The following GABRA6 variants were observed in gnomAD, a reference collection of about 807,000 sequenced individuals.
GABRA6 encodes the protein gamma-aminobutyric acid receptor subunit alpha-6.
GABRA6 carries 45 observed loss-of-function variants against 47.3 expected under a neutral mutation model. The observed-to-expected ratio is 0.95, with a 90% confidence interval of 0.75 to 1.22. The LOEUF is 1.22. GABRA6 is among the 50% of genes most tolerant of loss of function. The pLI, the probability that GABRA6 is intolerant of heterozygous loss-of-function variation, is 0.00. For missense variants in GABRA6, 583 were observed against 549.3 expected, an observed-to-expected ratio of 1.06 and a Z score of -0.61; for synonymous variants, 219 against 194.7, an observed-to-expected ratio of 1.12 and a Z score of -1.04.
chr5:161,702,448 T>C lies in GABRA6; in HGVS notation c.*675T>C, dbSNP rs989713659. 3.3e-5 allele frequency: 5 copies of C among 152,284 alleles called. No individual in the cohort carries two copies. The highest frequency in any genetic ancestry group is 7.3e-5 in the Non-Finnish European group (5 of 68,084). The allele number at this position is 152,284 out of a possible 1,614,324, so 9.4% of individuals were successfully genotyped here. On this transcript the variant is annotated 3_prime_UTR_variant, in exon 9 of 9. Coordinates refer to ENST00000274545, the MANE Select transcript of GABRA6 (RefSeq NM_000811.3). ...GTGTTTTATCCTACTAAATTCTCCT[T>C]TTAAAATAATACACTTACCATAATT...
intron 8 of GABRA6, among the ~76,000 whole-genome samples, chr5:161,698,511 T>C (rs964328803): frequency 1.3e-5 from 2 of 152,026 alleles, no homozygotes; most frequent in African/African-American, 2.4e-5. Context: ...CTAAGATTCC[T>C]GAGCAAAAAA....
At position 161,686,363 on chromosome 5, in the gene GABRA6, C is replaced by G; in HGVS notation, c.157+15C>G. On this transcript the variant is annotated intron_variant, in intron 2 of 8. Transcript: ENST00000274545. ...GGGATTTGGAGGTAAGAAGCTGCAT[C>G]TTTGCTACACAAACACCTGTAGTTT... 6.4e-7 allele frequency: 1 copy of G among 1,567,140 alleles called. No homozygotes were observed. Among genetic ancestry groups the G allele is most frequent in the Non-Finnish European group, 8.8e-7 (1 of 1,137,242 alleles).
chr5:161,690,385 T>G, intron 7 of GABRA6, 32 bp downstream of exon 7: 1 of 1,597,424 alleles, frequency 6.3e-7, no homozygotes, highest in South Asian at 1.1e-5. Flanking sequence ...TCACGTACAT[T>G]CATCCTCCAC....
chr5:161,688,801 C>T, intron 3 of GABRA6, 148 bp from the exon 4 acceptor site: 1 of 706,080 alleles, frequency 1.4e-6, no homozygotes, highest in Non-Finnish European at 2.4e-6. Context: ...ACAATAATAA[C>T]TAGCTAAAAT....
Position 161,689,112 on chromosome 5 carries a change from C to A in GABRA6, c.389C>A (p.Thr130Lys). ...NGKKSIAHNM[T>K]TPNKLFRIMQ... The stretch of plus-strand genomic sequence containing the variant: ...AAAAAGTCCATTGCTCACAACATGA[C>A]AACTCCTAATAAACTCTTCAGAATA... The change falls in exon 4 of 9, where the codon ACA (threonine) becomes AAA (lysine). Residue 130 changes from threonine (T) to lysine (K), a missense_variant. Transcript: ENST00000274545. 6.2e-7 allele frequency: 1 copy of A among 1,614,082 alleles called. No homozygotes were observed. The highest frequency in any genetic ancestry group is 8.5e-7 in the Non-Finnish European group (1 of 1,179,972).
intron 1 of GABRA6, 31 bp downstream of exon 1, chr5:161,686,058 T>G: frequency 6.2e-7 from 1 of 1,608,332 alleles, no homozygotes; most frequent in Non-Finnish European, 8.5e-7. Context: ...TGATTTTTCT[T>G]TTTATCTCAG....
At chr5:161,690,899 G>T (rs1413118697) in intron 7 of GABRA6, among the ~76,000 whole-genome samples, 1 of 151,884 alleles carries the variant, frequency 6.6e-6, no homozygotes, top group Non-Finnish European at 1.5e-5. Flanking sequence ...GTTTTTCCTG[G>T]GTTTAATGTT....
chr5:161,701,645 G>T lies in GABRA6; in HGVS notation c.1234G>T (p.Gly412Ter). ...VTPPPLSPAF[G>*]GTSKIDQYSR... ...ACCCCCACCACTCTCGCCAGCCTTT[G>T]GAGGCACCAGTAAAATAGACCAGTA... Residue 412 changes from glycine to a stop codon, truncating the protein, a stop_gained, in exon 9 of 9, where the codon GGA becomes TGA. Coordinates refer to ENST00000274545, the MANE Select transcript of GABRA6 (RefSeq NM_000811.3). LOFTEE classifies it high-confidence loss of function. The T allele has an allele frequency of 6.2e-7, 1 of 1,614,106 alleles. No individual in the cohort carries two copies. The highest frequency in any genetic ancestry group is 1.1e-5 in the South Asian group (1 of 91,078).
At chr5:161,693,698 G>A (rs1305115355) in intron 8 of GABRA6, among the ~76,000 whole-genome samples, 1 of 152,104 alleles carries the variant, frequency 6.6e-6, no homozygotes, top group Non-Finnish European at 1.5e-5. Context: ...TATGCTTGCA[G>A]TTCTAGCTAT....
rs1754801834 is a variant in GABRA6 at position 161,692,071 on chromosome 5, C to A, written c.957C>A (p.Ile319=). The part of the protein sequence containing the change: ...VCFAFVFSAL[I]EFAAVNYFTN... ...TTGCATTCGTCTTCTCTGCGCTTAT[C>A]GAGTTCGCAGCTGTCAACTACTTTA... Residue 319 remains isoleucine (I), a synonymous_variant, in exon 8 of 9, where the codon ATC becomes ATA. Coordinates refer to ENST00000274545, the MANE Select transcript of GABRA6 (RefSeq NM_000811.3). 1.2e-6 allele frequency: 2 copies of A among 1,614,046 alleles called. No individual in the cohort carries two copies. Among genetic ancestry groups the A allele is most frequent in the Non-Finnish European group, 1.7e-6 (2 of 1,180,034 alleles).
At position 161,689,313 on chromosome 5, in the gene GABRA6, C is replaced by T; in HGVS notation, c.506C>T (p.Ala169Val). 1 of 1,613,970 alleles carries T rather than the reference C, an allele frequency of 6.2e-7. No individual in the cohort carries two copies. The highest frequency in any genetic ancestry group is 8.5e-7 in the Non-Finnish European group (1 of 1,179,894). The change falls in exon 5 of 9, where the codon GCT (alanine) becomes GTT (valine). Residue 169 changes from alanine (A) to valine (V), a missense_variant. Coordinates refer to ENST00000274545, the MANE Select transcript of GABRA6 (RefSeq NM_000811.3). ...GTTAACTTTCCTATGGATGGGCATG[C>T]TTGTCCACTCAAGTTTGGGAGCTGT... Reference protein sequence around the residue: ...RLVNFPMDGHACPLKFGSYAY... With the variant: ...RLVNFPMDGHVCPLKFGSYAY...
intron 8 of GABRA6, among the ~76,000 whole-genome samples, chr5:161,695,560 T>C (rs921303008): frequency 2.6e-5 from 4 of 152,078 alleles, no homozygotes; most frequent in African/African-American, 9.7e-5. Context: ...GGTCCTTGAT[T>C]TGTTTTTGCA....
intron 8 of GABRA6, among the ~76,000 whole-genome samples, chr5:161,699,538 AG>A (rs1754942449): frequency 6.8e-6 from 1 of 146,476 alleles, no homozygotes; most frequent in African/African-American, 2.5e-5. Context: ...TCCTGGGCAT[AG>A]TAGTCCTCAG....
chr5:161,691,833 ACTTTGCC>A, intron 7 of GABRA6, 101 bp from the exon 8 acceptor site: 1 of 865,864 alleles, frequency 1.2e-6, no homozygotes, highest in South Asian at 1.5e-5. Flanking sequence ...TTTAAAAATG[ACTTTGCC>A]TTGGTAGAGT....
Position 161,686,014 on chromosome 5 carries a change from T to C in GABRA6, c.25T>C (p.Cys9Arg). Residue 9 changes from cysteine (C) to arginine (R), a missense_variant, in exon 1 of 9, where the codon TGC becomes CGC. Transcript: ENST00000274545. ...GATGGCGTCGTCTCTGCCCTGGCTG[T>C]GCATTATTCTGTGGTGAGTAAGATC... MASSLPWL[C>R]IILWLENALG... 1 of 1,613,976 alleles carries C rather than the reference T, an allele frequency of 6.2e-7. No homozygotes were observed. Among genetic ancestry groups the C allele is most frequent in the Non-Finnish European group, 8.5e-7 (1 of 1,179,824 alleles).
At chr5:161,687,207 A>T in intron 3 of GABRA6, 1 of 607,354 alleles carries the variant, frequency 1.6e-6, no homozygotes, top group South Asian at 1.8e-5. Flanking sequence ...TTTTAAGCTG[A>T]GGGACTTTTT....
chr5:161,686,906 A>C (rs1460771742), intron 2 of GABRA6, 30 bp from the exon 3 acceptor site: 26 of 1,596,628 alleles, frequency 1.6e-5, no homozygotes, highest in Non-Finnish European at 2.1e-5. Context: ...CAGTGGTGAT[A>C]ATTGTTTCAT....
intron 5 of GABRA6, 126 bp downstream of exon 5, chr5:161,689,462 A>G (rs1397755322): frequency 9.8e-7 from 1 of 1,025,112 alleles, no homozygotes; most frequent in Non-Finnish European, 1.5e-6. Flanking sequence ...TTCTAGGAAT[A>G]TACTTAATCA....
chr5:161,689,485 C>T, intron 5 of GABRA6, 149 bp downstream of exon 5: 1 of 1,018,420 alleles, frequency 9.8e-7, no homozygotes, highest in Non-Finnish European at 1.5e-6. Context: ...CTGTCAATCT[C>T]ATAAATTGAG....
Sources: gnomAD v4.1 joint callset for allele counts (sites outside exome capture counted in the v4.1 genomes callset) on GRCh38, gnomAD v4.1.1 for gene constraint, MANE v1.5 for transcripts, NCBI Gene and HGNC (gene_info 2026-07-23, HGNC 2026-07-21) for gene names.